CTNNA2: variants seen among roughly 807,000 people sequenced by gnomAD.
The protein encoded by CTNNA2 is catenin alpha-2.
CTNNA2 carries 42 observed loss-of-function variants against 101.0 expected under a neutral mutation model. That is an observed-to-expected ratio of 0.42 (90% CI 0.32 to 0.54). The LOEUF (loss-of-function observed/expected upper bound fraction) is 0.54. CTNNA2 is among the 20% of genes least tolerant of loss of function. CTNNA2 has a pLI of 0.14. For missense variants in CTNNA2, 871 were observed against 1,223.1 expected, an observed-to-expected ratio of 0.71 and a Z score of 4.29; for synonymous variants, 450 against 456.4, an observed-to-expected ratio of 0.99 and a Z score of 0.18.
chr2:79,717,526 C>CT (rs1205901311), intron 2 of CTNNA2, among the ~76,000 whole-genome samples: 2 of 152,126 alleles, frequency 1.3e-5, no homozygotes, highest in Non-Finnish European at 2.9e-5. Flanking sequence ...AGAGAAGCCA[C>CT]TGGAGGGATT....
chr2:79,987,753 A>G (rs1691869641), intron 7 of CTNNA2, among the ~76,000 whole-genome samples: 2 of 152,212 alleles, frequency 1.3e-5, no homozygotes, highest in Non-Finnish European at 1.5e-5. Context: ...TACCACAACC[A>G]TGTCTAAATG....
intron 1 of CTNNA2, chr2:79,633,788 T>C (rs909564747): frequency 2.0e-5 from 3 of 152,212 alleles, no homozygotes; most frequent in African/African-American, 7.2e-5. Flanking sequence ...CGACAGGTCA[T>C]CTGTCTCTAT....
intron 2 of CTNNA2, among the ~76,000 whole-genome samples, chr2:79,677,876 C>G (rs188750880): frequency 6.6e-6 from 1 of 152,288 alleles, no homozygotes; most frequent in Non-Finnish European, 1.5e-5. Flanking sequence ...ACTGTGTGGA[C>G]ATGTGTAACA....
intron 2 of CTNNA2, among the ~76,000 whole-genome samples, chr2:79,722,389 G>C (rs1373670244): frequency 6.6e-6 from 1 of 152,112 alleles, no homozygotes; most frequent in East Asian, 1.9e-4. Context: ...CTAAGGAAGG[G>C]ATGAACTTGC....
rs184653163 is a variant in CTNNA2, at chr2:79,839,842, C to T, written c.299-18171C>T. Among the ~76,000 whole-genome samples the T allele has an allele frequency of 1.0e-3, 158 of 152,134 alleles. 1 individual carries two copies. The highest frequency in any genetic ancestry group is 1.0e-3 in the Non-Finnish European group (69 of 67,970). On this transcript the variant is annotated intron_variant, in intron 3 of 18. Coordinates refer to ENST00000402739, the MANE Select transcript of CTNNA2 (RefSeq NM_001282597.3). ...TTCATTTAATATTTTCTATCCTATA[C>T]TTATATTATCTGAAGTTCTTGGATT...
chr2:79,521,186 T>G (rs920519875), intron 1 of CTNNA2, among the ~76,000 whole-genome samples: 10 of 140,556 alleles, frequency 7.1e-5, no homozygotes, highest in Non-Finnish European at 1.4e-4. Flanking sequence ...AGGTGCGCTA[T>G]TTAATATATG....
intron 7 of CTNNA2, among the ~76,000 whole-genome samples, chr2:79,981,736 C>T (rs1691285720): frequency 1.3e-5 from 2 of 152,008 alleles, no homozygotes; most frequent in Non-Finnish European, 2.9e-5. Context: ...AGAAAATGTC[C>T]AGTCAAACTT....
intron 7 of CTNNA2, among the ~76,000 whole-genome samples, chr2:79,986,941 G>C (rs1691806858): frequency 6.6e-6 from 1 of 152,222 alleles, no homozygotes; most frequent in South Asian, 2.1e-4. Context: ...ACAAAGATCA[G>C]TGAACATAAA....
At chr2:80,307,606 A>G (rs1429675957) in intron 7 of CTNNA2, among the ~76,000 whole-genome samples, 3 of 152,204 alleles carry the variant, frequency 2.0e-5, no homozygotes, top group Admixed American at 6.5e-5. Context: ...TACTGGATCA[A>G]TCTCTTCTTC....
At chr2:80,300,302 G>A (rs905470621) in intron 7 of CTNNA2, among the ~76,000 whole-genome samples, 9 of 150,804 alleles carry the variant, frequency 6.0e-5, no homozygotes, top group African/African-American at 2.0e-4. Flanking sequence ...GTGTGTGTGT[G>A]TGTGTGTGTG....
chr2:80,621,440 T>A (rs908188775), intron 18 of CTNNA2, among the ~76,000 whole-genome samples: 2 of 151,970 alleles, frequency 1.3e-5, no homozygotes, highest in African/African-American at 4.8e-5. Context: ...TTCTTTTAAA[T>A]AGACAACGTC....
chr2:80,471,199 G>A (rs910264427), intron 9 of CTNNA2, among the ~76,000 whole-genome samples: 2 of 152,196 alleles, frequency 1.3e-5, no homozygotes, highest in Non-Finnish European at 2.9e-5. Context: ...AAGAACGGAA[G>A]CAGGAAGACT....
chr2:80,365,458 A>AT (rs981276303), intron 7 of CTNNA2, among the ~76,000 whole-genome samples: 2 of 151,990 alleles, frequency 1.3e-5, no homozygotes, highest in Non-Finnish European at 2.9e-5. Flanking sequence ...TTTTTACATG[A>AT]TTTTTTAAAA....
chr2:79,468,786 A>G (rs1275002186), intron 4 of CTNNA2, among the ~76,000 whole-genome samples: 1 of 152,194 alleles, frequency 6.6e-6, no homozygotes, highest in Non-Finnish European at 1.5e-5. Context: ...ATTACTGGGT[A>G]CATAACGAAA....
intron 6 of CTNNA2, among the ~76,000 whole-genome samples, chr2:79,906,264 C>T (rs567818138): frequency 8.6e-5 from 13 of 152,030 alleles, no homozygotes; most frequent in Non-Finnish European, 1.5e-4. Context: ...GCTCCACATA[C>T]ACACAACCAG....
intron 7 of CTNNA2, among the ~76,000 whole-genome samples, chr2:80,063,621 G>C (rs1697763742): frequency 6.6e-6 from 1 of 152,142 alleles, no homozygotes; most frequent in Non-Finnish European, 1.5e-5. Flanking sequence ...GTAGAAAGCT[G>C]GAATGCATAC....
chr2:80,471,247 G>A (rs75740955), intron 9 of CTNNA2, among the ~76,000 whole-genome samples: 2,616 of 152,268 alleles, frequency 0.017, 72 homozygotes, highest in African/African-American at 0.054. Context: ...GGCAAGAGAC[G>A]ATGGTGATTG....
chr2:79,208,576 C>G (rs1674129905), intron 2 of CTNNA2, among the ~76,000 whole-genome samples: 1 of 152,140 alleles, frequency 6.6e-6, no homozygotes, highest in African/African-American at 2.4e-5. Context: ...GGCTGTGTGA[C>G]TTGAGGTAAG....
chr2:80,383,495 A>T (rs1327664776), intron 7 of CTNNA2, among the ~76,000 whole-genome samples: 1 of 152,196 alleles, frequency 6.6e-6, no homozygotes, highest in East Asian at 1.9e-4. Flanking sequence ...ATTAGGTAAC[A>T]CTAGGTAGCA....
Sources: allele counts gnomAD v4.1 joint callset (sites outside exome capture counted in the v4.1 genomes callset), GRCh38; gene constraint gnomAD v4.1.1; transcripts MANE v1.5; gene names NCBI Gene and HGNC (gene_info 2026-07-23, HGNC 2026-07-21).